Variants in INPP4A observed in about 807,000 individuals in gnomAD.
INPP4A encodes inositol polyphosphate-4-phosphatase, type I, 107kD.
In INPP4A, 33 loss-of-function variants were observed where a neutral mutation model predicts 119.8. The observed-to-expected ratio is 0.28, with a 90% confidence interval of 0.21 to 0.37. INPP4A has a LOEUF of 0.37. INPP4A is among the 10% of genes least tolerant of loss of function. INPP4A has a pLI of 1.00. For synonymous variants in INPP4A, 496 were observed against 500.7 expected, an observed-to-expected ratio of 0.99 and a Z score of 0.12; for missense variants, 956 against 1,289.9, an observed-to-expected ratio of 0.74 and a Z score of 3.97.
At chr2:98,540,128 C>T (rs1219786032) in intron 10 of INPP4A, among the ~76,000 whole-genome samples, 2 of 152,086 alleles carry the variant, frequency 1.3e-5, no homozygotes, top group Non-Finnish European at 2.9e-5. Context: ...TATGGTGTTT[C>T]ACCATGTTGG....
At chr2:98,494,598 G>T (rs369649385) in intron 1 of INPP4A, among the ~76,000 whole-genome samples, 105 of 151,942 alleles carry the variant, frequency 6.9e-4, no homozygotes, top group African/African-American at 2.4e-3. Flanking sequence ...TAAAAGTGTA[G>T]GGAAAGTTCA....
At chr2:98,542,777 A>G (rs1433641268) in intron 10 of INPP4A, among the ~76,000 whole-genome samples, 1 of 151,572 alleles carries the variant, frequency 6.6e-6, no homozygotes, top group African/African-American at 2.4e-5. Flanking sequence ...GGAGATAACA[A>G]TTCCTCTTTT....
intron 1 of INPP4A, among the ~76,000 whole-genome samples, chr2:98,475,957 T>C (rs1171540501): frequency 6.6e-6 from 1 of 152,246 alleles, no homozygotes; most frequent in African/African-American, 2.4e-5. Flanking sequence ...AATCTACAAA[T>C]GTTTAATCCA....
At chr2:98,457,590 CTAACT>C (rs1264945804) in intron 1 of INPP4A, among the ~76,000 whole-genome samples, 1 of 152,186 alleles carries the variant, frequency 6.6e-6, no homozygotes, top group Non-Finnish European at 1.5e-5. Flanking sequence ...GACTGTGAAC[CTAACT>C]TAATTGACTA....
intron 24 of INPP4A, among the ~76,000 whole-genome samples, chr2:98,577,774 C>G (rs1698672060): frequency 6.6e-6 from 1 of 152,190 alleles, no homozygotes. Flanking sequence ...AAAGTGTCTA[C>G]TGTTGATCGA....
intron 1 of INPP4A, among the ~76,000 whole-genome samples, chr2:98,515,861 C>T (rs2105646366): frequency 6.6e-6 from 1 of 152,356 alleles, no homozygotes; most frequent in East Asian, 1.9e-4. Flanking sequence ...CCCTGCCCCC[C>T]ATGGCTGGAA....
Position 98,587,562 on chromosome 2 carries a change from A to G in INPP4A, c.2873A>G (p.Lys958Arg), listed in dbSNP as rs2106568912. The change falls in exon 25 of 25, where the codon AAG becomes AGG. Residue 958 changes from lysine to arginine, a missense_variant. This residue lies in a region of INPP4A where 304 missense variants were observed against 492.1 expected (regional missense o/e 0.62). Transcript: ENST00000409851. Reference sequence around the variant, plus strand: ...TCCCTGCAGCTGAAGGCTTTCCCCAAGCATTACAGGCCTCCCGAAGGGACT... The same window carrying G: ...TCCCTGCAGCTGAAGGCTTTCCCCAGGCATTACAGGCCTCCCGAAGGGACT... ...FNSLQLKAFP[K>R]HYRPPEGTYG... 1.9e-6 allele frequency: 3 copies of G among 1,608,676 alleles called. No individual in the cohort carries two copies. The highest frequency in any genetic ancestry group is 1.7e-5 in the Admixed American group (1 of 58,722).
chr2:98,467,858 T>C (rs1478162884), intron 1 of INPP4A, among the ~76,000 whole-genome samples: 1 of 152,230 alleles, frequency 6.6e-6, no homozygotes, highest in African/African-American at 2.4e-5. Context: ...TTAATAGTTA[T>C]CTATTAGTTA....
At chr2:98,583,032 A>G (rs1235169112) in intron 24 of INPP4A, among the ~76,000 whole-genome samples, 2 of 150,932 alleles carry the variant, frequency 1.3e-5, no homozygotes, top group Non-Finnish European at 3.0e-5. Context: ...AAGATCACCT[A>G]CTGCATATGC....
At position 98,546,398 on chromosome 2, in the gene INPP4A, G is replaced by C. The variant is rs549411208; in HGVS notation, c.1055-188G>C. Among the ~76,000 whole-genome samples, 1 of 152,336 alleles carries C rather than the reference G, an allele frequency of 6.6e-6. No individual in the cohort carries two copies. Among genetic ancestry groups the C allele is most frequent in the South Asian group, 2.1e-4 (1 of 4,832 alleles). On this transcript the variant is annotated intron_variant, in intron 12 of 24. Coordinates refer to ENST00000409851, the MANE Select transcript of INPP4A (RefSeq NM_001134225.2). The surrounding 1 kb of genome is among the most constrained non-coding windows in gnomAD (Gnocchi z 4.2). Reference sequence around the variant, plus strand: ...CCACTTGAAATGTTTTAAACCCCTTGTTGCTGAGGTGATGGCACTGGGCTC... The same window carrying C: ...CCACTTGAAATGTTTTAAACCCCTTCTTGCTGAGGTGATGGCACTGGGCTC...
At chr2:98,535,691 C>A in intron 5 of INPP4A, 38 bp from the exon 6 acceptor site, 1 of 938,154 alleles carries the variant, frequency 1.1e-6, no homozygotes, top group South Asian at 1.6e-5. Context: ...TTTTAAAAAT[C>A]CAACCCTGTG....
At position 98,590,576 on chromosome 2, in the gene INPP4A, T is replaced by G; in HGVS notation, c.*2968T>G. 1 of 198,856 alleles carries G rather than the reference T, an allele frequency of 5.0e-6. No homozygotes were observed. The highest frequency in any genetic ancestry group is 1.0e-5 in the Non-Finnish European group (1 of 96,372). 12.3% of individuals were successfully genotyped at this position (198,856 alleles called of 1,614,324 possible). ...GTTGTTACCTTCCCGTCTGTGAACA[T>G]GGATCACATCATCTCTGTGGGTAAC... On this transcript the variant is annotated 3_prime_UTR_variant, in exon 25 of 25. Coordinates refer to ENST00000409851, the MANE Select transcript of INPP4A (RefSeq NM_001134225.2).
chr2:98,574,362 G>T (rs770528778), intron 23 of INPP4A, among the ~76,000 whole-genome samples: 1 of 152,116 alleles, frequency 6.6e-6, no homozygotes, highest in Non-Finnish European at 1.5e-5. Flanking sequence ...GGGTGGCCGG[G>T]CTCGGTGGCT....
At position 98,570,791 on chromosome 2, in the gene INPP4A, G is replaced by C. The variant is rs966238594; in HGVS notation, c.2519-2024G>C. On this transcript the variant is annotated intron_variant, in intron 22 of 24. Coordinates refer to ENST00000409851, the MANE Select transcript of INPP4A (RefSeq NM_001134225.2). The surrounding 1 kb of genome is among the most constrained non-coding windows in gnomAD (Gnocchi z 4.3). ...GGAGGAAATATGCTCAGGTTGGGCA[G>C]CCTCAGTCTCCCCAGTAAAACAGGT... Among the ~76,000 whole-genome samples, 1 of 152,176 alleles carries C rather than the reference G, an allele frequency of 6.6e-6. No individual in the cohort carries two copies. Among genetic ancestry groups the C allele is most frequent in the Non-Finnish European group, 1.5e-5 (1 of 68,018 alleles).
At chr2:98,572,506 C>G (rs988571146) in intron 22 of INPP4A, among the ~76,000 whole-genome samples, 17 of 152,230 alleles carry the variant, frequency 1.1e-4, no homozygotes, top group Admixed American at 2.0e-4. Context: ...CTAACTCCCT[C>G]ATCTGGGAGG....
rs553528322 is a variant in INPP4A, at chr2:98,471,200, C to T, written c.-166+26115C>T. Among the ~76,000 whole-genome samples the T allele has an allele frequency of 2.0e-5, 3 of 152,262 alleles. No individual in the cohort carries two copies. In the East Asian group the frequency reaches 5.8e-4, roughly 29 times the overall value. ...CCTGTGCGTGCATGCATGTGTGTGT[C>T]TGTGGCTTCACTGTAGATGGCCGTT... On this transcript the variant is annotated intron_variant, in intron 1 of 24. Transcript: ENST00000409851.
chr2:98,587,362 A>G (rs1280226959), intron 24 of INPP4A, 114 bp from the exon 25 acceptor site: 31 of 1,141,212 alleles, frequency 2.7e-5, no homozygotes, highest in Non-Finnish European at 3.5e-5. Context: ...GCACCCATTT[A>G]AATTAATCTT....
At chr2:98,529,922 A>G (rs2105876859) in intron 4 of INPP4A, among the ~76,000 whole-genome samples, 1 of 152,304 alleles carries the variant, frequency 6.6e-6, no homozygotes. Flanking sequence ...AAATAACAAG[A>G]AAGAGAGATT....
At position 98,577,527 on chromosome 2, in the gene INPP4A, TGTC is replaced by T. The variant is rs755335634; in HGVS notation, c.2786+390_2786+392del. 1.4e-3 allele frequency among the ~76,000 whole-genome samples: 207 copies of T among 152,378 alleles called. 1 individual carries two copies. Among genetic ancestry groups the T allele is most frequent in the South Asian group, 3.7e-3 (18 of 4,832 alleles). ...TGCTTTCTCAGCAGGCATCTGCTGT[TGTC>T]GTCGTGTATATATTGATATCTGTAC... is the stretch of plus-strand genomic sequence containing the variant. On this transcript the variant is annotated intron_variant, in intron 24 of 24. Transcript: ENST00000409851.
Sources: allele counts gnomAD v4.1 joint callset (sites outside exome capture counted in the v4.1 genomes callset), GRCh38; gene constraint gnomAD v4.1.1; regional missense constraint gnomAD v4.1.1; non-coding constraint Gnocchi (gnomAD v3.1); transcripts MANE v1.5; gene names NCBI Gene and HGNC (gene_info 2026-07-23, HGNC 2026-07-21).